Variants in BMPR1B observed in about 807,000 individuals in gnomAD.
BMPR1B encodes bone morphogenetic protein receptor type-1B.
BMPR1B carries 12 observed loss-of-function variants against 59.1 expected under a neutral mutation model. The ratio of observed to expected loss-of-function variants is 0.20; its 90% CI spans 0.13 to 0.33. The LOEUF (loss-of-function observed/expected upper bound fraction) is 0.33. BMPR1B is among the 10% of genes least tolerant of loss of function. The pLI, the probability that BMPR1B is intolerant of heterozygous loss-of-function variation, is 1.00. For synonymous variants in BMPR1B, 237 were observed against 207.3 expected (o/e 1.14, Z -1.23); for missense variants, 550 against 610.9 (o/e 0.90, Z 1.05).
chr4:94,983,349 T>G (rs1211917894), intron 2 of BMPR1B, among the ~76,000 whole-genome samples: 1 of 152,216 alleles, frequency 6.6e-6, no homozygotes, highest in Non-Finnish European at 1.5e-5. Context: ...TTCACCATCA[T>G]ATATCCAACG....
chr4:94,997,910 T>A (rs1026530962), intron 3 of BMPR1B, among the ~76,000 whole-genome samples: 4 of 152,204 alleles, frequency 2.6e-5, no homozygotes, highest in Non-Finnish European at 5.9e-5. Flanking sequence ...TACCCCTTTT[T>A]ATTGGTTTTG....
intron 1 of BMPR1B, among the ~76,000 whole-genome samples, chr4:94,802,022 G>A (rs1723428045): frequency 6.6e-6 from 1 of 152,214 alleles, no homozygotes; most frequent in Non-Finnish European, 1.5e-5. Context: ...TGAGTTGAAT[G>A]TATATTAAGG....
intron 2 of BMPR1B, among the ~76,000 whole-genome samples, chr4:94,986,452 A>T (rs1721412368): frequency 6.6e-6 from 1 of 152,232 alleles, no homozygotes; most frequent in African/African-American, 2.4e-5. Context: ...CATCCATCTT[A>T]AAGTCTAATT....
In BMPR1B at chr4:95,096,946, CTA is replaced by C. The variant is rs754339671; in HGVS notation, c.-17-7461_-17-7460del. On this transcript the variant is annotated intron_variant, in intron 3 of 12. Coordinates refer to ENST00000515059, the MANE Select transcript of BMPR1B (RefSeq NM_001203.3). The stretch of plus-strand genomic sequence containing the variant: ...ATTAAATCAAATTAAATATATGTAA[CTA>C]AAGTTATATAACTTTATTATATATA... 2.2e-5 allele frequency among the ~76,000 whole-genome samples: 3 copies of C among 139,390 alleles called. No individual in the cohort carries two copies. The South Asian group carries it at 6.6e-4, about 31-fold the overall frequency. 91.4% of individuals were successfully genotyped at this position (139,390 alleles called of 152,430 possible).
At chr4:95,149,927 AG>A (rs1432968672) in intron 11 of BMPR1B, among the ~76,000 whole-genome samples, 12 of 152,364 alleles carry the variant, frequency 7.9e-5, no homozygotes, top group African/African-American at 2.6e-4. Context: ...TTCAATGTAA[AG>A]ATAATGAGAA....
intron 1 of BMPR1B, among the ~76,000 whole-genome samples, chr4:94,816,328 CT>C (rs1724010316): frequency 6.6e-6 from 1 of 151,910 alleles, no homozygotes; most frequent in South Asian, 2.1e-4. Context: ...CTTTTCTTTT[CT>C]TTTCTTTTTT....
At chr4:95,085,961 C>T (rs1729540396) in intron 3 of BMPR1B, among the ~76,000 whole-genome samples, 1 of 150,558 alleles carries the variant, frequency 6.6e-6, no homozygotes, top group African/African-American at 2.4e-5. Context: ...TGTTGACCCT[C>T]ACTGTGGACA....
intron 2 of BMPR1B, among the ~76,000 whole-genome samples, chr4:94,980,536 A>G (rs1447661843): frequency 2.6e-5 from 4 of 151,780 alleles, no homozygotes; most frequent in Non-Finnish European, 4.4e-5. Flanking sequence ...AGGTACTTCA[A>G]TTTTCTTCCA....
At chr4:95,110,230 C>T (rs1462425862) in intron 4 of BMPR1B, among the ~76,000 whole-genome samples, 1 of 151,858 alleles carries the variant, frequency 6.6e-6, no homozygotes, top group African/African-American at 2.4e-5. Flanking sequence ...GGAAGGCTCT[C>T]AGAGCTGTCA....
At chr4:95,041,835 A>G (rs1238251252) in intron 3 of BMPR1B, among the ~76,000 whole-genome samples, 1 of 151,862 alleles carries the variant, frequency 6.6e-6, no homozygotes, top group African/African-American at 2.4e-5. Flanking sequence ...CTAATCCAAA[A>G]TCTGAAATAC....
intron 1 of BMPR1B, among the ~76,000 whole-genome samples, chr4:94,792,377 G>A (rs143143062): frequency 4.3e-4 from 66 of 152,086 alleles, no homozygotes; most frequent in African/African-American, 1.4e-3. Flanking sequence ...TTATTAGATG[G>A]CTGCAGTATT....
intron 2 of BMPR1B, among the ~76,000 whole-genome samples, chr4:94,937,707 A>AACACACACAC (rs67140382): frequency 0.23 from 35,195 of 151,032 alleles, 4,097 homozygotes; most frequent in South Asian, 0.34. Context: ...TATATGTATA[A>AACACACACAC]ACACACACAC....
At chr4:95,107,051 A>G (rs902466579) in intron 4 of BMPR1B, among the ~76,000 whole-genome samples, 4 of 152,038 alleles carry the variant, frequency 2.6e-5, no homozygotes, top group Non-Finnish European at 5.9e-5. Context: ...TTCCAAATCA[A>G]GTGACAAAAT....
chr4:94,915,808 A>G (rs1432158405), intron 2 of BMPR1B, among the ~76,000 whole-genome samples: 3 of 152,184 alleles, frequency 2.0e-5, no homozygotes, highest in Non-Finnish European at 4.4e-5. Context: ...CCCAAATCTC[A>G]TGTTGAATTG....
chr4:94,935,877 A>G (rs867130348), intron 2 of BMPR1B, among the ~76,000 whole-genome samples: 25 of 152,330 alleles, frequency 1.6e-4, no homozygotes, highest in African/African-American at 6.0e-4. Flanking sequence ...AAAATGCCTT[A>G]TCTTTCTAAA....
At position 95,150,869 on chromosome 4, in the gene BMPR1B, A is replaced by T. The variant is rs566830416; in HGVS notation, c.1253-1774A>T. Among the ~76,000 whole-genome samples, 6 of 152,304 alleles carry T rather than the reference A, an allele frequency of 3.9e-5. No individual in the cohort carries two copies. In the South Asian group the frequency reaches 1.2e-3, roughly 32 times the overall value. On this transcript the variant is annotated intron_variant, in intron 11 of 12. Transcript: ENST00000515059. ...GAGAGCCAAGTTTCCTCATCTGAGT[A>T]GTGTGGAGAATAATGTCATCTCAGA...
At chr4:95,026,512 C>T (rs912490743) in intron 3 of BMPR1B, among the ~76,000 whole-genome samples, 4 of 151,628 alleles carry the variant, frequency 2.6e-5, no homozygotes, top group Non-Finnish European at 4.4e-5. Context: ...CTTTAATATT[C>T]GTTTAATTTT....
intron 3 of BMPR1B, among the ~76,000 whole-genome samples, chr4:95,057,503 C>T (rs965212450): frequency 6.6e-6 from 1 of 152,032 alleles, no homozygotes. Context: ...CCTTGGCCTC[C>T]CAAAGTGCTG....
At chr4:94,773,547 A>G (rs1722260632) in intron 1 of BMPR1B, among the ~76,000 whole-genome samples, 1 of 152,130 alleles carries the variant, frequency 6.6e-6, no homozygotes, top group Non-Finnish European at 1.5e-5. Flanking sequence ...TTCTGCCACA[A>G]TAAATACTGT....
Sources: gnomAD v4.1 joint callset for allele counts (sites outside exome capture counted in the v4.1 genomes callset) on GRCh38, gnomAD v4.1.1 for gene constraint, MANE v1.5 for transcripts, NCBI Gene and HGNC (gene_info 2026-07-23, HGNC 2026-07-21) for gene names.